CCL22: variants seen among roughly 807,000 people sequenced by gnomAD.
The protein encoded by CCL22 is C-C motif chemokine 22.
CCL22 carries 7 observed loss-of-function variants against 7.6 expected under a neutral mutation model. The ratio of observed to expected loss-of-function variants is 0.92; its 90% CI spans 0.52 to 1.72. CCL22 has a LOEUF of 1.72. Ranked by LOEUF, CCL22 falls within the 40% of genes most tolerant of loss-of-function variation. The pLI is 0.00. For missense variants in CCL22, 115 were observed against 124.7 expected, an observed-to-expected ratio of 0.92 and a Z score of 0.37; for synonymous variants, 55 against 47.2, an observed-to-expected ratio of 1.17 and a Z score of -0.68.
chr16:57,359,464 C>T (rs1232306964), intron 1 of CCL22, among the ~76,000 whole-genome samples: 2 of 135,922 alleles, frequency 1.5e-5, no homozygotes, highest in African/African-American at 2.8e-5. Flanking sequence ...TACAGGCATG[C>T]ACCACCACAC....
At position 57,363,936 on chromosome 16, in the gene CCL22, C is replaced by A; in HGVS notation, c.*348C>A. The stretch of plus-strand genomic sequence containing the variant: ...ATCTGGGTTCCATCTCTGTCTCCAG[C>A]CTGCCCACTTCCCTTCATGAATGTT... On this transcript the variant is annotated 3_prime_UTR_variant, in exon 3 of 3. Coordinates refer to ENST00000219235, the MANE Select transcript of CCL22 (RefSeq NM_002990.5). The A allele has an allele frequency of 4.2e-6, 1 of 237,734 alleles. No individual in the cohort carries two copies. Among genetic ancestry groups the A allele is most frequent in the Non-Finnish European group, 8.4e-6 (1 of 119,404 alleles). 14.7% of individuals were successfully genotyped at this position (237,734 alleles called of 1,614,324 possible).
At chr16:57,361,958 T>C (rs1326074904) in intron 2 of CCL22, among the ~76,000 whole-genome samples, 1 of 152,230 alleles carries the variant, frequency 6.6e-6, no homozygotes, top group Non-Finnish European at 1.5e-5. Flanking sequence ...CCTAAACTTA[T>C]TTGACTTATT....
At chr16:57,358,373 C>T (rs779607575), upstream of CCL22, among the ~76,000 whole-genome samples, 18 of 152,306 alleles carry the variant, frequency 1.2e-4, no homozygotes, top group Middle Eastern at 3.4e-3. Context: ...ACAAGACAGG[C>T]CTCAATTCTA....
rs1004795336 is a variant in CCL22, at chr16:57,365,881, G to A, written c.*2293G>A. On this transcript the variant is annotated 3_prime_UTR_variant, in exon 3 of 3. Coordinates refer to ENST00000219235, the MANE Select transcript of CCL22 (RefSeq NM_002990.5). ...GCTCTGCAGGGTATTTGAACCTGTG[G>A]AATTGGAGGAGGCCATTTCACTCCC... 3.9e-5 allele frequency: 6 copies of A among 152,292 alleles called. No homozygotes were observed. The highest frequency in any genetic ancestry group is 1.4e-4 in the African/African-American group (6 of 41,456). The allele number at this position is 152,292 out of a possible 1,614,324, so 9.4% of individuals were successfully genotyped here.
chr16:57,360,243 C>A (rs1902033072), intron 1 of CCL22, among the ~76,000 whole-genome samples, 194 bp from the exon 2 acceptor site: 2 of 152,166 alleles, frequency 1.3e-5, no homozygotes, highest in South Asian at 4.1e-4. Context: ...GACATTGGAC[C>A]CTAAGTGGCT....
chr16:57,360,529 A>T lies in CCL22; in HGVS notation c.166A>T (p.Thr56Ser). Reference protein sequence around the residue: ...PLRVVKHFYWTSDSCPRPGVV... With the variant: ...PLRVVKHFYWSSDSCPRPGVV... Reference sequence around the variant, plus strand: ...GCGCGTGGTGAAACACTTCTACTGGACCTCAGACTCCTGCCCGAGGCCTGG... The same window carrying T: ...GCGCGTGGTGAAACACTTCTACTGGTCCTCAGACTCCTGCCCGAGGCCTGG... The change falls in exon 2 of 3, where the codon ACC becomes TCC. Residue 56 changes from threonine (T) to serine (S), a missense_variant. Coordinates refer to ENST00000219235, the MANE Select transcript of CCL22 (RefSeq NM_002990.5). The T allele has an allele frequency of 6.2e-7, 1 of 1,614,066 alleles. No individual in the cohort carries two copies. The highest frequency in any genetic ancestry group is 2.2e-5 in the East Asian group (1 of 44,860).
intron 2 of CCL22, among the ~76,000 whole-genome samples, chr16:57,362,735 C>T (rs1040011527): frequency 2.6e-5 from 4 of 151,474 alleles, no homozygotes; most frequent in Non-Finnish European, 4.4e-5. Context: ...GTGGCGGGCA[C>T]CTGTAATCCC....
rs974653836 is a variant in CCL22 at position 57,363,415 on chromosome 16, G to T, written c.198-89G>T. ...AAATGCTGAGCCCTGCATAAAGTAG[G>T]TGGCTCATAAATGCTAAGCTCCCGA... On this transcript the variant is annotated intron_variant, in intron 2 of 2. Transcript: ENST00000219235. 8 of 763,490 alleles carry T rather than the reference G, an allele frequency of 1.0e-5. No homozygotes were observed. The African/African-American group carries it at 1.4e-4, about 13-fold the overall frequency. The allele number at this position is 763,490 out of a possible 1,614,324, so 47.3% of individuals were successfully genotyped here. A position where few individuals can be genotyped will look rare whatever the true frequency, so the allele number is the denominator to read the frequency against.
chr16:57,361,387 C>T (rs1286808688), intron 2 of CCL22, among the ~76,000 whole-genome samples: 2 of 152,114 alleles, frequency 1.3e-5, no homozygotes, highest in Admixed American at 6.5e-5. Context: ...CAAGGTGCCT[C>T]CCGAGTGCCA....
chr16:57,362,872 A>T (rs1395704017), intron 2 of CCL22, among the ~76,000 whole-genome samples: 3 of 151,824 alleles, frequency 2.0e-5, no homozygotes, highest in Admixed American at 6.6e-5. Flanking sequence ...ATAAAAACAA[A>T]ACAAAACAAA....
rs543327364 is a variant in CCL22 at position 57,359,018 on chromosome 16, C to T, written c.73+129C>T. The stretch of plus-strand genomic sequence containing the variant: ...GTCTGCTGTTGGCTCTTGCGGCCTT[C>T]GGCTAGTTGCAGTGCTTCTCTGGGC... On this transcript the variant is annotated intron_variant, in intron 1 of 2. Transcript: ENST00000219235. 1,355 of 737,424 alleles carry T rather than the reference C, an allele frequency of 1.8e-3. 7 individuals are homozygous for T. Among genetic ancestry groups the T allele is most frequent in the Middle Eastern group, 6.7e-3 (18 of 2,704 alleles). 45.7% of individuals were successfully genotyped at this position (737,424 alleles called of 1,614,324 possible). A position where few individuals can be genotyped will look rare whatever the true frequency, so the allele number is the denominator to read the frequency against.
intron 2 of CCL22, among the ~76,000 whole-genome samples, chr16:57,361,880 G>A (rs1902053983): frequency 6.6e-6 from 1 of 152,146 alleles, no homozygotes; most frequent in South Asian, 2.1e-4. Flanking sequence ...GAAGCAGGAA[G>A]CCCTCCCAGA....
intron 1 of CCL22, 112 bp from the exon 2 acceptor site, chr16:57,360,325 A>G (rs1902033578): frequency 7.5e-7 from 1 of 1,340,286 alleles, no homozygotes; most frequent in Admixed American, 2.0e-5. Flanking sequence ...ACATGAGAAC[A>G]GAAAAACTGC....
chr16:57,365,788 C>G lies in CCL22; in HGVS notation c.*2200C>G, dbSNP rs1940328538. 2 of 152,270 alleles carry G rather than the reference C, an allele frequency of 1.3e-5. No homozygotes were observed. Among genetic ancestry groups the G allele is most frequent in the African/African-American group, 4.8e-5 (2 of 41,444 alleles). 9.4% of individuals were successfully genotyped at this position (152,270 alleles called of 1,614,324 possible). On this transcript the variant is annotated 3_prime_UTR_variant, in exon 3 of 3. Coordinates refer to ENST00000219235, the MANE Select transcript of CCL22 (RefSeq NM_002990.5). ...TTCTTTTCATACAGCAAGTATGGGA[C>G]AGCAGTGTCCCAGGTAAAGGACATA... is the stretch of plus-strand genomic sequence containing the variant.
At chr16:57,359,137 G>A (rs1472114018) in intron 1 of CCL22, among the ~76,000 whole-genome samples, 3 of 151,990 alleles carry the variant, frequency 2.0e-5, no homozygotes, top group African/African-American at 2.4e-5. Context: ...GCATAGCCTC[G>A]GGATCTCCTG....
chr16:57,358,976 A>C, intron 1 of CCL22, 87 bp downstream of exon 1: 1 of 1,019,190 alleles, frequency 9.8e-7, no homozygotes, highest in African/African-American at 1.6e-5. Flanking sequence ...GCACTGGACC[A>C]AGAGCAGAAG....
intron 1 of CCL22, among the ~76,000 whole-genome samples, chr16:57,359,613 G>A (rs555997542): frequency 2.0e-5 from 3 of 148,160 alleles, no homozygotes; most frequent in Admixed American, 1.3e-4. Flanking sequence ...ACTGCGTCTA[G>A]CCTAAATTTA....
At chr16:57,360,667 G>A in intron 2 of CCL22, 107 bp downstream of exon 2, 1 of 1,387,226 alleles carries the variant, frequency 7.2e-7, no homozygotes, top group Non-Finnish European at 1.0e-6. Context: ...GAGGAATGTG[G>A]CAGGGCTACC....
At chr16:57,363,421 CA>C in intron 2 of CCL22, 82 bp from the exon 3 acceptor site, 1 of 832,722 alleles carries the variant, frequency 1.2e-6, no homozygotes, top group Non-Finnish European at 2.0e-6. Flanking sequence ...GTAGGTGGCT[CA>C]TAAATGCTAA....
Sources: allele counts gnomAD v4.1 joint callset (sites outside exome capture counted in the v4.1 genomes callset), GRCh38; gene constraint gnomAD v4.1.1; transcripts MANE v1.5; gene names NCBI Gene and HGNC (gene_info 2026-07-23, HGNC 2026-07-21).